The following FMO5 variants were observed in gnomAD, a reference collection of about 807,000 sequenced individuals.
FMO5 encodes flavin-containing monooxygenase 5.
FMO5 carries 51 observed loss-of-function variants against 43.6 expected under a neutral mutation model. That is an observed-to-expected ratio of 1.17 (90% CI 0.93 to 1.48). FMO5 has a LOEUF of 1.48. FMO5 is among the 40% of genes most tolerant of loss of function. The probability of loss-of-function intolerance (pLI) is 0.00; values close to 1 mark genes in which losing one functional copy is unlikely to be tolerated. For missense variants in FMO5, 644 were observed against 643.0 expected (o/e 1.00, Z -0.02); for synonymous variants, 187 against 216.5 (o/e 0.86, Z 1.20).
chr1:147,212,602 TTG>T, intron 4 of FMO5, 67 bp from the exon 5 acceptor site: 9 of 1,463,280 alleles, frequency 6.2e-6, no homozygotes, highest in African/African-American at 5.6e-5. Flanking sequence ...GTCAAGTCAT[TTG>T]TTTTTTTTGC....
In FMO5 at chr1:147,209,018, G is replaced by C. The variant is rs782170956; in HGVS notation, c.664C>G (p.Leu222Val). 1.2e-6 allele frequency: 2 copies of C among 1,614,126 alleles called. No homozygotes were observed. Among genetic ancestry groups the C allele is most frequent in the East Asian group, 4.5e-5 (2 of 44,888 alleles). ...FLSTRRGAWI[L>V]NRVGDYGYPA... ...TATCCGTAGTCCCCTACACGATTCA[G>C]GATCCAAGCCCCTCTCCTGGTGCTG... Residue 222 changes from leucine (L) to valine (V), a missense_variant, in exon 6 of 9, where the codon CTG (leucine) becomes GTG (valine). Transcript: ENST00000254090.
chr1:147,222,561 T>C (rs782579372), intron 2 of FMO5, among the ~76,000 whole-genome samples: 18 of 152,184 alleles, frequency 1.2e-4, no homozygotes, highest in Non-Finnish European at 2.1e-4. Flanking sequence ...GTCTGCACAT[T>C]GGAATCATCT....
At chr1:147,191,137 T>C (rs1656693355) in intron 7 of FMO5, among the ~76,000 whole-genome samples, 1 of 152,178 alleles carries the variant, frequency 6.6e-6, no homozygotes, top group Non-Finnish European at 1.5e-5. Flanking sequence ...AGTGCCGCAA[T>C]AAACATACGT....
intron 4 of FMO5, among the ~76,000 whole-genome samples, chr1:147,213,105 A>G (rs1422126898): frequency 6.6e-6 from 1 of 152,160 alleles, no homozygotes; most frequent in African/African-American, 2.4e-5. Flanking sequence ...AACTAAATAG[A>G]CTGCAAATTT....
At chr1:147,207,707 T>A (rs1377123954) in intron 6 of FMO5, among the ~76,000 whole-genome samples, 1 of 152,190 alleles carries the variant, frequency 6.6e-6, no homozygotes, top group East Asian at 1.9e-4. Context: ...CATATTGACT[T>A]CTGATCAACC....
chr1:147,203,652 C>G (rs1197857686), intron 6 of FMO5: 12 of 1,391,218 alleles, frequency 8.6e-6, no homozygotes, highest in Middle Eastern at 3.7e-4. Context: ...GGACATGTCT[C>G]TCCATATGAT....
At chr1:147,206,980 AAATGT>A (rs1553922503) in intron 6 of FMO5, among the ~76,000 whole-genome samples, 1 of 151,884 alleles carries the variant, frequency 6.6e-6, no homozygotes. Flanking sequence ...CATGACAACT[AAATGT>A]AATGGTGTGA....
At chr1:147,193,378 A>G (rs1170506892) in intron 7 of FMO5, among the ~76,000 whole-genome samples, 2 of 151,734 alleles carry the variant, frequency 1.3e-5, no homozygotes, top group South Asian at 4.2e-4. Flanking sequence ...TTTTTACTGC[A>G]TCTATTTGAT....
chr1:147,193,252 T>C (rs1232414740), intron 7 of FMO5, among the ~76,000 whole-genome samples: 2 of 152,084 alleles, frequency 1.3e-5, no homozygotes, highest in Non-Finnish European at 2.9e-5. Context: ...GTGTATGTGT[T>C]GAGGAATTTA....
At chr1:147,199,473 G>A (rs1018575787) in intron 7 of FMO5, among the ~76,000 whole-genome samples, 4 of 152,112 alleles carry the variant, frequency 2.6e-5, no homozygotes, top group Non-Finnish European at 5.9e-5. Flanking sequence ...AGGAAGCTGG[G>A]CTTTTTGTAC....
chr1:147,211,985 G>C lies in FMO5; in HGVS notation c.630+408C>G, dbSNP rs587658150. On this transcript the variant is annotated intron_variant, in intron 5 of 8. Coordinates refer to ENST00000254090, the MANE Select transcript of FMO5 (RefSeq NM_001461.4). ...AGTGAAAAGTTTCCAATGATCACGCGTGCTTTCCTTTATGTAAGAACATAG... is the reference window on the plus strand; with the variant it reads ...AGTGAAAAGTTTCCAATGATCACGCCTGCTTTCCTTTATGTAAGAACATAG... 3.9e-5 allele frequency among the ~76,000 whole-genome samples: 6 copies of C among 152,298 alleles called. No homozygotes were observed. In the South Asian group the frequency reaches 1.2e-3, roughly 32 times the overall value.
intron 7 of FMO5, among the ~76,000 whole-genome samples, chr1:147,196,606 A>G (rs1470153149): frequency 6.6e-6 from 1 of 152,054 alleles, no homozygotes; most frequent in Non-Finnish European, 1.5e-5. Flanking sequence ...AAAAATTAAA[A>G]AATTTTAAAA....
chr1:147,223,428 C>G (rs1461107024), intron 2 of FMO5: 1 of 152,216 alleles, frequency 6.6e-6, no homozygotes, highest in African/African-American at 2.4e-5. Flanking sequence ...TTTTATGTAG[C>G]TGGCCAACAA....
chr1:147,226,094 G>A (rs1663961060), upstream of FMO5, among the ~76,000 whole-genome samples: 1 of 118,946 alleles, frequency 8.4e-6, no homozygotes, highest in Non-Finnish European at 1.7e-5. Context: ...AGGTTGTCTG[G>A]CAATTTATCT....
intron 7 of FMO5, among the ~76,000 whole-genome samples, chr1:147,195,154 G>A (rs1331199423): frequency 2.0e-5 from 3 of 152,072 alleles, no homozygotes; most frequent in East Asian, 1.9e-4. Flanking sequence ...CCAATCCGAC[G>A]TAGATTTGGT....
intron 2 of FMO5, among the ~76,000 whole-genome samples, chr1:147,216,531 G>A (rs1377235683): frequency 1.3e-5 from 2 of 152,128 alleles, no homozygotes; most frequent in Non-Finnish European, 2.9e-5. Flanking sequence ...GGAGAGCAGT[G>A]TTAAAATGTA....
intron 2 of FMO5, among the ~76,000 whole-genome samples, chr1:147,222,490 G>C (rs1439806313): frequency 1.3e-5 from 2 of 152,080 alleles, no homozygotes; most frequent in Non-Finnish European, 2.9e-5. Context: ...GGACAGTTTG[G>C]GGCTTCTGTT....
rs200894114 is a variant in FMO5 at position 147,201,176 on chromosome 1, G to A, written c.1159C>T (p.Arg387Cys). 1.1e-4 allele frequency: 176 copies of A among 1,613,268 alleles called. 4 individuals carry two copies. Among genetic ancestry groups the A allele is most frequent in the East Asian group, 9.4e-4 (42 of 44,878 alleles). ...AIMPISELQG[R>C]WATQVFKGLK... Reference sequence around the variant, plus strand: ...CCTTTAAATACCTGAGTGGCCCAGCGTCCTTGGAGCTCTGAAATGGGCATA... The same window carrying A: ...CCTTTAAATACCTGAGTGGCCCAGCATCCTTGGAGCTCTGAAATGGGCATA... Residue 387 changes from arginine (R) to cysteine (C), a missense_variant, in exon 7 of 9, where the codon CGC (arginine) becomes TGC (cysteine). Arg to Cys is a radical substitution (Grantham distance 180). Transcript: ENST00000254090.
At position 147,213,472 on chromosome 1, in the gene FMO5, TGAAAA is replaced by T; in HGVS notation, c.325-7_325-3del. On this transcript the variant is annotated splice_polypyrimidine_tract_variant and splice_region_variant and intron_variant, in intron 3 of 8. Coordinates refer to ENST00000254090, the MANE Select transcript of FMO5 (RefSeq NM_001461.4). The stretch of plus-strand genomic sequence containing the variant: ...CTTCTTCACACTGCACACAGTGGTC[TGAAAA>T]GAAAAGTGATAACCACAGGGGACAT... The T allele has an allele frequency of 6.3e-7, 1 of 1,597,696 alleles. No homozygotes were observed. The highest frequency in any genetic ancestry group is 1.3e-5 in the African/African-American group (1 of 74,656).
Sources: allele counts gnomAD v4.1 joint callset (sites outside exome capture counted in the v4.1 genomes callset), GRCh38; gene constraint gnomAD v4.1.1; transcripts MANE v1.5; gene names NCBI Gene and HGNC (gene_info 2026-07-23, HGNC 2026-07-21).